Variants in DLG2 observed in about 807,000 individuals in gnomAD.
DLG2 encodes discs large MAGUK scaffold protein 2.
DLG2 carries 45 observed loss-of-function variants against 132.5 expected under a neutral mutation model. That is an observed-to-expected ratio of 0.34 (90% confidence interval 0.27 to 0.44). The LOEUF is 0.44. Ranked by LOEUF, DLG2 falls within the 20% of genes least tolerant of loss-of-function variation. DLG2 has a pLI of 1.00. For synonymous variants in DLG2, 424 were observed against 419.6 expected, an observed-to-expected ratio of 1.01 and a Z score of -0.13; for missense variants, 1,045 against 1,196.9, an observed-to-expected ratio of 0.87 and a Z score of 1.87.
intron 8 of DLG2, among the ~76,000 whole-genome samples, chr11:84,191,441 A>G (rs1289227677): frequency 6.6e-6 from 1 of 152,214 alleles, no homozygotes; most frequent in Non-Finnish European, 1.5e-5. Flanking sequence ...ATTTGTGGAC[A>G]AGATGACTTT....
At chr11:84,967,532 T>C (rs750680261) in intron 6 of DLG2, among the ~76,000 whole-genome samples, 7 of 152,120 alleles carry the variant, frequency 4.6e-5, no homozygotes, top group East Asian at 3.9e-4. Context: ...TGTTGATGTA[T>C]TGTGATTTAA....
At chr11:84,745,523 C>T (rs1050486402) in intron 6 of DLG2, among the ~76,000 whole-genome samples, 2 of 152,124 alleles carry the variant, frequency 1.3e-5, no homozygotes, top group South Asian at 4.2e-4. Context: ...ACCAATTAAA[C>T]CCCTTTTCTT....
At chr11:84,475,846 G>C (rs928908700) in intron 7 of DLG2, among the ~76,000 whole-genome samples, 1 of 152,098 alleles carries the variant, frequency 6.6e-6, no homozygotes, top group South Asian at 2.1e-4. Flanking sequence ...ACACTCTGGT[G>C]CCCAAGCTGT....
At chr11:85,528,943 A>G (rs2074989933) in intron 3 of DLG2, among the ~76,000 whole-genome samples, 1 of 152,238 alleles carries the variant, frequency 6.6e-6, no homozygotes, top group Non-Finnish European at 1.5e-5. Context: ...CATGTTATTC[A>G]CCAATAGACT....
At chr11:85,142,425 T>C (rs921414480) in intron 5 of DLG2, among the ~76,000 whole-genome samples, 4 of 151,728 alleles carry the variant, frequency 2.6e-5, no homozygotes, top group African/African-American at 7.2e-5. Context: ...TGCAATTGTA[T>C]TGAATTTATT....
At chr11:83,724,125 C>T (rs2089415554) in intron 18 of DLG2, among the ~76,000 whole-genome samples, 2 of 152,122 alleles carry the variant, frequency 1.3e-5, no homozygotes, top group South Asian at 4.1e-4. Context: ...TTTCCATATA[C>T]TACTACTAAT....
chr11:83,868,701 G>A (rs1278714606), intron 16 of DLG2, among the ~76,000 whole-genome samples: 2 of 151,538 alleles, frequency 1.3e-5, no homozygotes, highest in Non-Finnish European at 2.9e-5. Flanking sequence ...TTTTCGACCA[G>A]CGACCCTAGC....
Position 84,217,548 on chromosome 11 carries a change from T to C in DLG2, c.573+33690A>G, listed in dbSNP as rs112420131. Reference sequence around the variant, plus strand: ...TTGCCCAGTCTCACATATGTTTGTATCAGCATCATGAAAATGGACTAATAC... The same window carrying C: ...TTGCCCAGTCTCACATATGTTTGTACCAGCATCATGAAAATGGACTAATAC... On this transcript the variant is annotated intron_variant, in intron 8 of 27. Transcript: ENST00000376104. 2.9e-3 allele frequency among the ~76,000 whole-genome samples: 442 copies of C among 152,266 alleles called. 3 individuals carry two copies. The highest frequency in any genetic ancestry group is 9.7e-3 in the African/African-American group (405 of 41,542).
intron 6 of DLG2, among the ~76,000 whole-genome samples, chr11:85,003,331 A>T (rs941513475): frequency 6.6e-6 from 1 of 152,188 alleles, no homozygotes; most frequent in Non-Finnish European, 1.5e-5. Flanking sequence ...ATTTCAAAAA[A>T]AATATTCAGA....
intron 11 of DLG2, among the ~76,000 whole-genome samples, chr11:83,988,326 A>T (rs2093474403): frequency 6.6e-6 from 1 of 152,002 alleles, no homozygotes; most frequent in Admixed American, 6.6e-5. Flanking sequence ...TAAGGAAGGG[A>T]TCCAGCTTCA....
chr11:83,729,986 A>G (rs2090706275), intron 18 of DLG2, among the ~76,000 whole-genome samples: 1 of 151,968 alleles, frequency 6.6e-6, no homozygotes. Flanking sequence ...ACCAAAAATA[A>G]AACAAAACAA....
chr11:83,692,893 C>T (rs1400025440), intron 18 of DLG2: 2 of 152,026 alleles, frequency 1.3e-5, no homozygotes, highest in African/African-American at 2.4e-5. Context: ...AAAAATAATC[C>T]CCTCACAAGC....
intron 3 of DLG2, among the ~76,000 whole-genome samples, chr11:85,556,838 C>T (rs948226521): frequency 1.3e-5 from 2 of 151,746 alleles, no homozygotes; most frequent in African/African-American, 4.8e-5. Flanking sequence ...AAAGTTTATT[C>T]TCTCTTCTAG....
intron 7 of DLG2, among the ~76,000 whole-genome samples, chr11:84,254,977 G>T (rs1353479597): frequency 1.3e-5 from 2 of 152,124 alleles, no homozygotes; most frequent in Non-Finnish European, 2.9e-5. Context: ...GCCACGGTAG[G>T]CTCTTCTGAA....
intron 7 of DLG2, among the ~76,000 whole-genome samples, chr11:84,342,037 G>A (rs1213015026): frequency 1.3e-5 from 2 of 151,888 alleles, no homozygotes; most frequent in African/African-American, 4.8e-5. Context: ...CATATACAAT[G>A]TCCTAACCTG....
intron 6 of DLG2, among the ~76,000 whole-genome samples, chr11:84,768,146 T>C (rs1236907547): frequency 6.6e-6 from 1 of 152,208 alleles, no homozygotes; most frequent in Non-Finnish European, 1.5e-5. Context: ...ACTTTCAACG[T>C]ATATTTATAA....
intron 10 of DLG2, among the ~76,000 whole-genome samples, chr11:84,065,024 G>C (rs2096650081): frequency 6.6e-6 from 1 of 152,036 alleles, no homozygotes; most frequent in Admixed American, 6.6e-5. Context: ...ATATGCAGAA[G>C]ATTGCAATTC....
intron 15 of DLG2, among the ~76,000 whole-genome samples, chr11:83,883,497 G>C (rs2066890746): frequency 6.6e-6 from 1 of 152,140 alleles, no homozygotes. Context: ...ATCACTGTTA[G>C]GTAGCTGAGA....
At chr11:83,840,799 T>G (rs1322478872) in intron 16 of DLG2, among the ~76,000 whole-genome samples, 1 of 152,256 alleles carries the variant, frequency 6.6e-6, no homozygotes, top group Admixed American at 6.5e-5. Flanking sequence ...ATGGTGCATT[T>G]GACATCTGCT....
Sources: gnomAD v4.1 joint callset for allele counts (sites outside exome capture counted in the v4.1 genomes callset) on GRCh38, gnomAD v4.1.1 for gene constraint, MANE v1.5 for transcripts, NCBI Gene and HGNC (gene_info 2026-07-23, HGNC 2026-07-21) for gene names.